Variants in NADK2 observed in about 807,000 individuals in gnomAD.
NADK2 encodes NAD kinase domain-containing protein 1, mitochondrial.
NADK2 carries 35 observed loss-of-function variants against 62.1 expected under a neutral mutation model. That is an observed-to-expected ratio of 0.56 (90% confidence interval 0.43 to 0.75). The LOEUF (loss-of-function observed/expected upper bound fraction) is 0.75. NADK2 is among the 30% of genes least tolerant of loss of function. The pLI, the probability that NADK2 is intolerant of heterozygous loss-of-function variation, is 0.00. For synonymous variants in NADK2, 205 were observed against 207.9 expected (o/e 0.99, Z 0.12); for missense variants, 439 against 561.3 (o/e 0.78, Z 2.20).
chr5:36,212,019 G>T, intron 6 of NADK2, 97 bp from the exon 7 acceptor site: 2 of 894,926 alleles, frequency 2.2e-6, no homozygotes, highest in Non-Finnish European at 3.5e-6. Context: ...TTATATTTTT[G>T]TTTTTAAAAG....
At position 36,205,149 on chromosome 5, in the gene NADK2, G is replaced by A. The variant is rs995443884; in HGVS notation, c.956+2021C>T. ...GCAGGAAAAAAAAACCCCTCTAGTC[G>A]CCATCCCAAATCCATAAAGTTGCTT... is the stretch of plus-strand genomic sequence containing the variant. On this transcript the variant is annotated intron_variant, in intron 8 of 11. Coordinates refer to ENST00000381937, the MANE Select transcript of NADK2 (RefSeq NM_001085411.3). This position sits in a 1 kb window ranked among gnomAD's most constrained non-coding sequence, Gnocchi z 4.1. 5.3e-5 allele frequency among the ~76,000 whole-genome samples: 8 copies of A among 151,924 alleles called. No homozygotes were observed. The highest frequency in any genetic ancestry group is 1.9e-4 in the African/African-American group (8 of 41,476).
chr5:36,197,642 T>C lies in NADK2; in HGVS notation c.1089A>G (p.Ser363=). 1 of 1,582,616 alleles carries C rather than the reference T, an allele frequency of 6.3e-7. No homozygotes were observed. Among genetic ancestry groups the C allele is most frequent in the Non-Finnish European group, 8.6e-7 (1 of 1,167,806 alleles). Residue 363 remains serine (S), a synonymous_variant, in exon 11 of 12, where the codon TCA becomes TCG. Transcript: ENST00000381937. ...VEKVTNEYNE[S]LLYSPEEPKI... Reference sequence around the variant, plus strand: ...TTGGTTCTTCCGGACTGTAGAGCAGTGATTCATTATATTCATTTGTTACTA... The same window carrying C: ...TTGGTTCTTCCGGACTGTAGAGCAGCGATTCATTATATTCATTTGTTACTA...
intron 10 of NADK2, among the ~76,000 whole-genome samples, chr5:36,198,740 T>G (rs978781580): frequency 1.2e-4 from 18 of 151,598 alleles, no homozygotes; most frequent in African/African-American, 4.1e-4. Flanking sequence ...TTTCCTTTGA[T>G]ACAGATTTAC....
chr5:36,206,376 G>A (rs1746637588), intron 8 of NADK2, among the ~76,000 whole-genome samples: 2 of 151,316 alleles, frequency 1.3e-5, no homozygotes, highest in South Asian at 4.2e-4. Context: ...AAAAGGTGAG[G>A]CACAAAGAAT....
intron 11 of NADK2, among the ~76,000 whole-genome samples, 162 bp downstream of exon 11, chr5:36,197,378 GC>G (rs1746267778): frequency 6.6e-6 from 1 of 151,984 alleles, no homozygotes; most frequent in Admixed American, 6.6e-5. Context: ...TATGATTTTA[GC>G]CGGGTTAGCA....
intron 6 of NADK2, among the ~76,000 whole-genome samples, chr5:36,215,992 T>TA (rs1291050116): frequency 6.6e-6 from 1 of 152,224 alleles, no homozygotes; most frequent in Non-Finnish European, 1.5e-5. Context: ...AGTTCTATTT[T>TA]AGATTTTTGA....
chr5:36,216,236 T>C (rs886563255), intron 6 of NADK2, among the ~76,000 whole-genome samples: 2 of 152,148 alleles, frequency 1.3e-5, no homozygotes, highest in Non-Finnish European at 2.9e-5. Context: ...TGTATGTCTT[T>C]TGAGAAACTT....
At chr5:36,229,267 A>T (rs1463572059) in intron 1 of NADK2, among the ~76,000 whole-genome samples, 1 of 152,232 alleles carries the variant, frequency 6.6e-6, no homozygotes, top group Non-Finnish European at 1.5e-5. Flanking sequence ...ATTAATTAAT[A>T]GATGTTAACT....
At chr5:36,238,868 G>A (rs1431379940) in intron 1 of NADK2, among the ~76,000 whole-genome samples, 4 of 152,184 alleles carry the variant, frequency 2.6e-5, no homozygotes, top group African/African-American at 9.6e-5. Flanking sequence ...TGACTAGCTT[G>A]AAGGTTGTAA....
In NADK2 at chr5:36,192,865, G is replaced by T. The variant is rs1044231209; in HGVS notation, c.*2279C>A. ...TAATGACCCCTTGAGAGGGAAATAAGAAATGTTAAAAAGAAGAGGTAACAG... is the reference window on the plus strand; with the variant it reads ...TAATGACCCCTTGAGAGGGAAATAATAAATGTTAAAAAGAAGAGGTAACAG... On this transcript the variant is annotated 3_prime_UTR_variant, in exon 12 of 12. Coordinates refer to ENST00000381937, the MANE Select transcript of NADK2 (RefSeq NM_001085411.3). 6.6e-6 allele frequency: 1 copy of T among 152,142 alleles called. No individual in the cohort carries two copies. The highest frequency in any genetic ancestry group is 2.4e-5 in the African/African-American group (1 of 41,454). The allele number at this position is 152,142 out of a possible 1,614,324, so 9.4% of individuals were successfully genotyped here.
rs144966797 is a variant in NADK2, at chr5:36,197,739, C to T, written c.1067-75G>A. ...AGAAGGGCAAAACAAAAAATAGATG[C>T]CATCCCCCATTTAAATTCTGTTCCA... On this transcript the variant is annotated intron_variant, in intron 10 of 11. Coordinates refer to ENST00000381937, the MANE Select transcript of NADK2 (RefSeq NM_001085411.3). The T allele has an allele frequency of 3.0e-4, 362 of 1,217,064 alleles. 1 individual carries two copies. In the African/African-American group the frequency reaches 5.3e-3, roughly 18 times the overall value. The allele number at this position is 1,217,064 out of a possible 1,614,324, so 75.4% of individuals were successfully genotyped here. A position where few individuals can be genotyped will look rare whatever the true frequency, so the allele number is the denominator to read the frequency against.
intron 11 of NADK2, among the ~76,000 whole-genome samples, chr5:36,195,851 A>G (rs887602127): frequency 3.3e-5 from 5 of 152,242 alleles, no homozygotes; most frequent in Admixed American, 2.0e-4. Flanking sequence ...TCACTGCAGT[A>G]GTAATAGCTT....
In NADK2 at chr5:36,217,442, T is replaced by C. The variant is rs188377912; in HGVS notation, c.781+306A>G. Among the ~76,000 whole-genome samples, 331 of 150,278 alleles carry C rather than the reference T, an allele frequency of 2.2e-3. 1 individual carries two copies. Among genetic ancestry groups the C allele is most frequent in the African/African-American group, 7.6e-3 (311 of 41,162 alleles). Reference sequence around the variant, plus strand: ...ATTAGCTCATTTCATCTCTACTGCTTTTTTTTTTGACATTTCAAAGATTAA... The same window carrying C: ...ATTAGCTCATTTCATCTCTACTGCTCTTTTTTTTGACATTTCAAAGATTAA... On this transcript the variant is annotated intron_variant, in intron 6 of 11. Transcript: ENST00000381937.
At chr5:36,210,263 G>C (rs1202964750) in intron 7 of NADK2, among the ~76,000 whole-genome samples, 1 of 152,108 alleles carries the variant, frequency 6.6e-6, no homozygotes, top group Non-Finnish European at 1.5e-5. Context: ...TATCACAGTA[G>C]TCATTTTACA....
chr5:36,232,813 G>GTA (rs1747754381), intron 1 of NADK2, among the ~76,000 whole-genome samples: 1 of 152,146 alleles, frequency 6.6e-6, no homozygotes, highest in African/African-American at 2.4e-5. Flanking sequence ...CACCTACCAA[G>GTA]TATATCCCAG....
chr5:36,197,416 T>A (rs1015974681), intron 11 of NADK2, 125 bp downstream of exon 11: 2 of 1,244,132 alleles, frequency 1.6e-6, no homozygotes, highest in South Asian at 2.6e-5. Context: ...TCACAGGTTC[T>A]ACTTTTCCTG....
At chr5:36,196,514 A>G (rs1166923220) in intron 11 of NADK2, among the ~76,000 whole-genome samples, 2 of 152,084 alleles carry the variant, frequency 1.3e-5, no homozygotes, top group Non-Finnish European at 2.9e-5. Flanking sequence ...TATATACTAA[A>G]TATTCTGGCT....
chr5:36,204,404 T>A (rs1447840093), intron 8 of NADK2, among the ~76,000 whole-genome samples: 1 of 152,136 alleles, frequency 6.6e-6, no homozygotes, highest in Non-Finnish European at 1.5e-5. Context: ...CTTTGCCTAT[T>A]TTTTATGGTA....
chr5:36,227,117 C>G (rs563981609), intron 2 of NADK2, among the ~76,000 whole-genome samples: 3 of 152,196 alleles, frequency 2.0e-5, no homozygotes, highest in East Asian at 3.9e-4. Context: ...ACAGAAGTTT[C>G]TATAATTTTC....
Sources: allele counts gnomAD v4.1 joint callset (sites outside exome capture counted in the v4.1 genomes callset), GRCh38; gene constraint gnomAD v4.1.1; non-coding constraint Gnocchi (gnomAD v3.1); transcripts MANE v1.5; gene names NCBI Gene and HGNC (gene_info 2026-07-23, HGNC 2026-07-21).